The following ZMIZ2 variants were observed in gnomAD, a reference collection of about 807,000 sequenced individuals.
ZMIZ2 encodes the protein zinc finger MIZ-type containing 2, also known as zinc finger MIZ domain-containing protein 2.
A neutral mutation model predicts 93.9 loss-of-function variants in ZMIZ2; 26 were observed. The observed-to-expected ratio is 0.28, with a 90% CI of 0.20 to 0.38. The LOEUF (loss-of-function observed/expected upper bound fraction) is 0.38. Among genes scored for constraint, ZMIZ2 ranks in the 10% least tolerant of loss-of-function variants. ZMIZ2 has a pLI of 1.00. For missense variants in ZMIZ2, 1,023 were observed against 1,235.0 expected (o/e 0.83, Z 2.57); for synonymous variants, 485 against 516.4 (o/e 0.94, Z 0.82).
intron 11 of ZMIZ2, among the ~76,000 whole-genome samples, chr7:44,762,270 T>C (rs553269614): frequency 6.6e-6 from 1 of 152,364 alleles, no homozygotes; most frequent in African/African-American, 2.4e-5. Context: ...CTAGCTGTTT[T>C]CCAGTTAGAG....
rs751220444 is a variant in ZMIZ2 at position 44,761,565 on chromosome 7, G to A, written c.1357G>A (p.Asp453Asn). 3 of 1,614,058 alleles carry A rather than the reference G, an allele frequency of 1.9e-6. No homozygotes were observed. The highest frequency in any genetic ancestry group is 1.1e-5 in the South Asian group (1 of 91,074). ...AAGCAACCATGTCTTCCAGCTGCGA[G>A]ACTCAGTCTACAAGACCCTGATAAT... ...AVSNHVFQLR[D>N]SVYKTLIMRP... The change falls in exon 10 of 19, where the codon GAC becomes AAC. Residue 453 changes from aspartate (D) to asparagine (N), a missense_variant. This residue lies in a region of ZMIZ2 where 656 missense variants were observed against 777.1 expected (regional missense o/e 0.84). Coordinates refer to ENST00000309315, the MANE Select transcript of ZMIZ2 (RefSeq NM_031449.4). The surrounding 1 kb of genome is among the most constrained non-coding windows in gnomAD (Gnocchi z 5.8).
chr7:44,763,055 C>G lies in ZMIZ2; in HGVS notation c.1702+69C>G. 6.6e-7 allele frequency: 1 copy of G among 1,510,472 alleles called. No individual in the cohort carries two copies. The highest frequency in any genetic ancestry group is 9.1e-7 in the Non-Finnish European group (1 of 1,104,346). The allele number at this position is 1,510,472 out of a possible 1,614,324, so 93.6% of individuals were successfully genotyped here. On this transcript the variant is annotated intron_variant, in intron 12 of 18. Transcript: ENST00000309315. This position sits in a 1 kb window ranked among gnomAD's most constrained non-coding sequence, Gnocchi z 5.6. The stretch of plus-strand genomic sequence containing the variant: ...TCTGTGTGGCCCAAGCCCAACAATC[C>G]TCCTTGTGGGCACCTCCTCGTGTCA...
chr7:44,756,396 C>A, intron 2 of ZMIZ2, 29 bp from the exon 3 acceptor site: 1 of 1,613,838 alleles, frequency 6.2e-7, no homozygotes, highest in African/African-American at 1.3e-5. Flanking sequence ...GCTTCCTGAC[C>A]CAGGCCTCAG....
At chr7:44,754,893 C>T (rs1343745587) in intron 1 of ZMIZ2, among the ~76,000 whole-genome samples, 3 of 152,152 alleles carry the variant, frequency 2.0e-5, no homozygotes, top group Non-Finnish European at 4.4e-5. Context: ...ATAGCCTAGG[C>T]AGGCAGAGGT....
rs772064793 is a variant in ZMIZ2, at chr7:44,758,128, A to C, written c.813+20A>C. 3 of 1,513,904 alleles carry C rather than the reference A, an allele frequency of 2.0e-6. 1 individual carries two copies. Among genetic ancestry groups the C allele is most frequent in the Non-Finnish European group, 2.7e-6 (3 of 1,131,454 alleles). The allele number at this position is 1,513,904 out of a possible 1,614,324, so 93.8% of individuals were successfully genotyped here. On this transcript the variant is annotated intron_variant, in intron 6 of 18. Coordinates refer to ENST00000309315, the MANE Select transcript of ZMIZ2 (RefSeq NM_031449.4). ...TCTGAGGTGAGTGTCCAGGTCACCT[A>C]GTTTGGGGCCTTGGGTACCAACTCC...
Position 44,758,121 on chromosome 7 carries a change from G to A in ZMIZ2, c.813+13G>A. On this transcript the variant is annotated intron_variant, in intron 6 of 18. Transcript: ENST00000309315. Reference sequence around the variant, plus strand: ...AACCTACTCTGAGGTGAGTGTCCAGGTCACCTAGTTTGGGGCCTTGGGTAC... The same window carrying A: ...AACCTACTCTGAGGTGAGTGTCCAGATCACCTAGTTTGGGGCCTTGGGTAC... The A allele has an allele frequency of 6.6e-7, 1 of 1,524,562 alleles. No homozygotes were observed. The highest frequency in any genetic ancestry group is 8.8e-7 in the Non-Finnish European group (1 of 1,136,070). The allele number at this position is 1,524,562 out of a possible 1,614,324, so 94.4% of individuals were successfully genotyped here. A position where few individuals can be genotyped will look rare whatever the true frequency, so the allele number is the denominator to read the frequency against.
intron 11 of ZMIZ2, among the ~76,000 whole-genome samples, chr7:44,762,557 G>A (rs1309835580): frequency 6.6e-6 from 1 of 152,210 alleles, no homozygotes; most frequent in Non-Finnish European, 1.5e-5. Flanking sequence ...GTGCGAGCAG[G>A]GGGAACGTTC....
chr7:44,756,122 C>G, intron 1 of ZMIZ2, 66 bp from the exon 2 acceptor site: 2 of 1,357,236 alleles, frequency 1.5e-6, no homozygotes, highest in South Asian at 2.5e-5. Flanking sequence ...ACCGGGGTCC[C>G]TCCACCCTGC....
In ZMIZ2 at chr7:44,766,330, C is replaced by T; in HGVS notation, c.2409C>T (p.Ser803=). Residue 803 remains serine, a synonymous_variant, in exon 17 of 19, where the codon AGC becomes AGT. Coordinates refer to ENST00000309315, the MANE Select transcript of ZMIZ2 (RefSeq NM_031449.4). The surrounding 1 kb of genome is among the most constrained non-coding windows in gnomAD (Gnocchi z 4.4). ...TSEKSTACLP[S]QMAPAGHLDP... Reference sequence around the variant, plus strand: ...AGAAGTCTACCGCCTGCCTCCCAAGCCAGGTCAGTGCCAAGCCGAGAGGCC... The same window carrying T: ...AGAAGTCTACCGCCTGCCTCCCAAGTCAGGTCAGTGCCAAGCCGAGAGGCC... The T allele has an allele frequency of 6.3e-7, 1 of 1,599,364 alleles. No individual in the cohort carries two copies. Among genetic ancestry groups the T allele is most frequent in the Non-Finnish European group, 8.5e-7 (1 of 1,172,754 alleles).
rs1791842563 is a variant in ZMIZ2, at chr7:44,767,518, G to T, written c.2658G>T (p.Leu886=). The stretch of plus-strand genomic sequence containing the variant: ...AACAGAGTTCACTTTGTCCTCAGCT[G>T]CTCCCGGAACTGACCAACCCTGATG... ...AGEAPEPALD[L]LPELTNPDEL... is the part of the protein sequence containing the mutation. The change falls in exon 19 of 19, where the codon CTG becomes CTT. Residue 886 remains leucine (L), a splice_region_variant and synonymous_variant. Transcript: ENST00000309315. The T allele has an allele frequency of 1.2e-6, 2 of 1,613,930 alleles. No homozygotes were observed. Among genetic ancestry groups the T allele is most frequent in the Non-Finnish European group, 1.7e-6 (2 of 1,179,822 alleles).
rs1791575653 is a variant in ZMIZ2 at position 44,765,165 on chromosome 7, CTGAG to C, written c.1997+159_1997+162del. On this transcript the variant is annotated intron_variant, in intron 15 of 18. Transcript: ENST00000309315. This position sits in a 1 kb window ranked among gnomAD's most constrained non-coding sequence, Gnocchi z 4.1. ...GCCAGAGACAGCGTGTGTGTCCTACCTGAGTGTTGGTGCTGGGCCCAGCGTCCTG... is the reference window on the plus strand; with the variant it reads ...GCCAGAGACAGCGTGTGTGTCCTACCTGTTGGTGCTGGGCCCAGCGTCCTG... Among the ~76,000 whole-genome samples, 1 of 152,248 alleles carries C rather than the reference CTGAG, an allele frequency of 6.6e-6. No individual in the cohort carries two copies. The highest frequency in any genetic ancestry group is 1.5e-5 in the Non-Finnish European group (1 of 68,044).
Position 44,765,707 on chromosome 7 carries a change from C to A in ZMIZ2, c.2242+128C>A. On this transcript the variant is annotated intron_variant, in intron 16 of 18. Coordinates refer to ENST00000309315, the MANE Select transcript of ZMIZ2 (RefSeq NM_031449.4). This position sits in a 1 kb window ranked among gnomAD's most constrained non-coding sequence, Gnocchi z 4.1. ...CACACCTAGGTTATCAGTGTTGCCA[C>A]ACAAAACATGCCGCGGGGCACCTCC... is the stretch of plus-strand genomic sequence containing the variant. The A allele has an allele frequency of 7.2e-7, 1 of 1,389,816 alleles. No homozygotes were observed. Among genetic ancestry groups the A allele is most frequent in the Non-Finnish European group, 9.7e-7 (1 of 1,035,026 alleles). 86.1% of individuals were successfully genotyped at this position (1,389,816 alleles called of 1,614,324 possible).
chr7:44,763,603 A>G lies in ZMIZ2; in HGVS notation c.1860+190A>G. 2 of 692,518 alleles carry G rather than the reference A, an allele frequency of 2.9e-6. No individual in the cohort carries two copies. The highest frequency in any genetic ancestry group is 2.2e-5 in the South Asian group (1 of 45,042). The allele number at this position is 692,518 out of a possible 1,614,324, so 42.9% of individuals were successfully genotyped here. ...CAAGACTAGGCTATTTTTTCTTCCA[A>G]ATATAATTGTCATTTTACTAACTTT... On this transcript the variant is annotated intron_variant, in intron 13 of 18. Transcript: ENST00000309315. The surrounding 1 kb of genome is among the most constrained non-coding windows in gnomAD (Gnocchi z 5.6).
chr7:44,760,978 G>T (rs1247038580), intron 9 of ZMIZ2, among the ~76,000 whole-genome samples: 3 of 152,026 alleles, frequency 2.0e-5, no homozygotes, highest in African/African-American at 7.3e-5. Flanking sequence ...TCTCCCCTGT[G>T]CACAAAATGT....
chr7:44,761,620 C>G lies in ZMIZ2; in HGVS notation c.1385+27C>G. ...TGAGCTCCGCCTGGCCCCCACCTGACCCCCACGAGGCTCTGTTCCTCCTCC... is the reference window on the plus strand; with the variant it reads ...TGAGCTCCGCCTGGCCCCCACCTGAGCCCCACGAGGCTCTGTTCCTCCTCC... On this transcript the variant is annotated intron_variant, in intron 10 of 18. Coordinates refer to ENST00000309315, the MANE Select transcript of ZMIZ2 (RefSeq NM_031449.4). The surrounding 1 kb of genome is among the most constrained non-coding windows in gnomAD (Gnocchi z 5.8). The G allele has an allele frequency of 6.8e-6, 11 of 1,613,536 alleles. No individual in the cohort carries two copies. Among genetic ancestry groups the G allele is most frequent in the Non-Finnish European group, 9.3e-6 (11 of 1,179,692 alleles).
intron 1 of ZMIZ2, among the ~76,000 whole-genome samples, chr7:44,752,998 C>T (rs1790287530): frequency 6.6e-6 from 1 of 152,178 alleles, no homozygotes. Flanking sequence ...GATCCAGTTT[C>T]TCCTTGCCAG....
intron 11 of ZMIZ2, 79 bp from the exon 12 acceptor site, chr7:44,762,779 CACCTGGCAGCCCCTGACACACAA>C: frequency 1.2e-6 from 1 of 802,234 alleles, no homozygotes; most frequent in Non-Finnish European, 1.8e-6. Flanking sequence ...GTCCCTCCCC[CACCTGGCAGCCCCTGACACACAA>C]CCCCCAGCAC....
chr7:44,767,370 GC>G (rs1377734350), intron 18 of ZMIZ2, 145 bp from the exon 19 acceptor site: 6 of 725,320 alleles, frequency 8.3e-6, no homozygotes, highest in African/African-American at 5.3e-5. Context: ...CTATGGTGGG[GC>G]CCCGCACCCG....
At chr7:44,759,711 A>G (rs1383129536) in intron 7 of ZMIZ2, 5 of 455,142 alleles carry the variant, frequency 1.1e-5, no homozygotes, top group Non-Finnish European at 1.5e-5. Flanking sequence ...TACAAGATTC[A>G]TATATCTCAG....
Sources: gnomAD v4.1 joint callset for allele counts (sites outside exome capture counted in the v4.1 genomes callset) on GRCh38, gnomAD v4.1.1 for gene constraint, gnomAD v4.1.1 regional missense constraint, Gnocchi (gnomAD v3.1) non-coding constraint, MANE v1.5 for transcripts, NCBI Gene and HGNC (gene_info 2026-07-23, HGNC 2026-07-21) for gene names.